The following MSANTD3 variants were observed in gnomAD, a reference collection of about 807,000 sequenced individuals.
The protein encoded by MSANTD3 is myb/SANT-like DNA-binding domain-containing protein 3.
MSANTD3 carries 11 observed loss-of-function variants against 27.7 expected under a neutral mutation model. That is an observed-to-expected ratio of 0.40 (90% confidence interval 0.25 to 0.66). The LOEUF (loss-of-function observed/expected upper bound fraction) is 0.66. MSANTD3 is among the 30% of genes least tolerant of loss of function. The probability of loss-of-function intolerance (pLI) is 0.41; values close to 1 mark genes in which losing one functional copy is unlikely to be tolerated. For synonymous variants in MSANTD3, 131 were observed against 127.2 expected, an observed-to-expected ratio of 1.03 and a Z score of -0.20; for missense variants, 250 against 336.5, an observed-to-expected ratio of 0.74 and a Z score of 2.01.
intron 2 of MSANTD3, 70 bp from the exon 3 acceptor site, chr9:100,450,487 A>G: frequency 7.2e-7 from 1 of 1,388,248 alleles, no homozygotes; most frequent in Non-Finnish European, 9.7e-7. Context: ...GTCATTTGAA[A>G]TAGGATTGGT....
At chr9:100,440,671 G>A (rs1220801209) in intron 1 of MSANTD3, among the ~76,000 whole-genome samples, 2 of 147,894 alleles carry the variant, frequency 1.4e-5, no homozygotes, top group Admixed American at 1.4e-4. Context: ...GCTCACTGTA[G>A]CCTCGACCTC....
chr9:100,446,783 C>T (rs1435964126), intron 2 of MSANTD3, among the ~76,000 whole-genome samples: 1 of 151,116 alleles, frequency 6.6e-6, no homozygotes, highest in Non-Finnish European at 1.5e-5. Context: ...GCCAATATTG[C>T]ACCACTGCAC....
intron 2 of MSANTD3, among the ~76,000 whole-genome samples, chr9:100,443,369 A>G (rs1030556631): frequency 2.0e-5 from 3 of 151,876 alleles, no homozygotes; most frequent in African/African-American, 7.3e-5. Context: ...ACTGCACGCC[A>G]GCGTAGGCAA....
intron 1 of MSANTD3, among the ~76,000 whole-genome samples, chr9:100,438,427 A>AGTGT (rs139680729): frequency 7.1e-4 from 108 of 151,268 alleles, no homozygotes; most frequent in African/African-American, 1.2e-3. Context: ...TTATTTAGAA[A>AGTGT]GTGTGTGTGT....
chr9:100,443,642 AAAC>A (rs1301537115), intron 2 of MSANTD3, among the ~76,000 whole-genome samples: 1 of 152,188 alleles, frequency 6.6e-6, no homozygotes, highest in African/African-American at 2.4e-5. Context: ...TTGGGGAAAA[AAAC>A]ACTGTCATAT....
chr9:100,431,665 G>C (rs1836380261), intron 1 of MSANTD3, among the ~76,000 whole-genome samples: 1 of 152,124 alleles, frequency 6.6e-6, no homozygotes, highest in South Asian at 2.1e-4. Flanking sequence ...GCTGAAGATA[G>C]ATATAAAATG....
chr9:100,440,314 AC>A (rs1836580889), intron 1 of MSANTD3, among the ~76,000 whole-genome samples: 1 of 152,178 alleles, frequency 6.6e-6, no homozygotes, highest in East Asian at 1.9e-4. Context: ...TTTCTATGTC[AC>A]CATCTTTGTG....
chr9:100,445,017 G>T lies in MSANTD3; in HGVS notation c.418+2661G>T, dbSNP rs181830846. 1.3e-5 allele frequency: 8 copies of T among 595,596 alleles called. No homozygotes were observed. The Admixed American group carries it at 2.4e-4, about 18-fold the overall frequency. 36.9% of individuals were successfully genotyped at this position (595,596 alleles called of 1,614,324 possible). ...CAAATGCTCCTTGCTCCTGTGTCCA[G>T]GTCCCATCTGGAGGGTGGTGGAGAA... On this transcript the variant is annotated intron_variant, in intron 2 of 2. Coordinates refer to ENST00000395067, the MANE Select transcript of MSANTD3 (RefSeq NM_080655.3).
chr9:100,442,726 T>G (rs1480973881), intron 2 of MSANTD3, among the ~76,000 whole-genome samples: 2 of 150,654 alleles, frequency 1.3e-5, no homozygotes, highest in African/African-American at 2.4e-5. Flanking sequence ...GGAGGATAAC[T>G]TGAGCCCAGG....
At chr9:100,439,811 G>A (rs537775572) in intron 1 of MSANTD3, among the ~76,000 whole-genome samples, 64 of 151,604 alleles carry the variant, frequency 4.2e-4, no homozygotes, top group Non-Finnish European at 7.8e-4. Context: ...GAGCCATTAC[G>A]CCTGCCCAGT....
intron 1 of MSANTD3, among the ~76,000 whole-genome samples, chr9:100,440,927 ACAT>A (rs1836604514): frequency 7.3e-6 from 1 of 136,086 alleles, no homozygotes; most frequent in Non-Finnish European, 1.6e-5. Flanking sequence ...GCCCGGCTGT[ACAT>A]CTTTTTTTTT....
At chr9:100,431,053 A>G (rs1410178496) in intron 1 of MSANTD3, among the ~76,000 whole-genome samples, 1 of 147,266 alleles carries the variant, frequency 6.8e-6, no homozygotes, top group African/African-American at 2.5e-5. Flanking sequence ...CCCAGGCTGG[A>G]GTGCAACGGC....
At position 100,450,651 on chromosome 9, in the gene MSANTD3, G is replaced by T. The variant is rs61744816; in HGVS notation, c.513G>T (p.Ser171=). 1 of 1,613,914 alleles carries T rather than the reference G, an allele frequency of 6.2e-7. No homozygotes were observed. The highest frequency in any genetic ancestry group is 1.3e-5 in the African/African-American group (1 of 74,902). Residue 171 remains serine, a synonymous_variant, in exon 3 of 3, where the codon TCG becomes TCT. Transcript: ENST00000395067. The part of the protein sequence containing the change: ...VCEGTSQPEP[S]CSAVRITANK... ...AGGGGACCTCTCAACCTGAACCCTCGTGTTCAGCTGTCAGAATAACAGCCA... is the reference window on the plus strand; with the variant it reads ...AGGGGACCTCTCAACCTGAACCCTCTTGTTCAGCTGTCAGAATAACAGCCA...
intron 1 of MSANTD3, among the ~76,000 whole-genome samples, chr9:100,438,709 A>G (rs1836537258): frequency 6.6e-6 from 1 of 152,226 alleles, no homozygotes; most frequent in African/African-American, 2.4e-5. Context: ...TAAGCTGGAC[A>G]TAGACATCTT....
intron 2 of MSANTD3, among the ~76,000 whole-genome samples, chr9:100,443,398 T>C (rs1836676528): frequency 7.5e-6 from 1 of 132,500 alleles, no homozygotes; most frequent in Non-Finnish European, 1.7e-5. Flanking sequence ...AAACTCCATC[T>C]CAAAAAAAAA....
rs1161380767 is a variant in MSANTD3 at position 100,450,974 on chromosome 9, G to T, written c.*8G>T. 1.3e-6 allele frequency: 2 copies of T among 1,557,302 alleles called. No homozygotes were observed. Among genetic ancestry groups the T allele is most frequent in the Non-Finnish European group, 1.7e-6 (2 of 1,157,726 alleles). On this transcript the variant is annotated 3_prime_UTR_variant, in exon 3 of 3. Coordinates refer to ENST00000395067, the MANE Select transcript of MSANTD3 (RefSeq NM_080655.3). ...TTTCCCAATTCGCCCTAAGACTTTG[G>T]GGGTGGCTCTCTTGTAATTAATCTG...
chr9:100,445,288 A>C (rs1348718592), intron 2 of MSANTD3: 3 of 1,065,802 alleles, frequency 2.8e-6, no homozygotes, highest in Non-Finnish European at 4.4e-6. Flanking sequence ...TGTGTATTTG[A>C]CATAAGGAAT....
Position 100,451,047 on chromosome 9 carries a change from T to C in MSANTD3, c.*81T>C. The C allele has an allele frequency of 1.4e-6, 2 of 1,381,284 alleles. No individual in the cohort carries two copies. Among genetic ancestry groups the C allele is most frequent in the Non-Finnish European group, 2.0e-6 (2 of 1,017,008 alleles). 85.6% of individuals were successfully genotyped at this position (1,381,284 alleles called of 1,614,324 possible). On this transcript the variant is annotated 3_prime_UTR_variant, in exon 3 of 3. Coordinates refer to ENST00000395067, the MANE Select transcript of MSANTD3 (RefSeq NM_080655.3). Reference sequence around the variant, plus strand: ...CATGGACTTGGCGGTCAGTAACCTGTAACAGAGCTACAACTAGGAAAATTA... The same window carrying C: ...CATGGACTTGGCGGTCAGTAACCTGCAACAGAGCTACAACTAGGAAAATTA...
intron 1 of MSANTD3, among the ~76,000 whole-genome samples, chr9:100,431,022 G>A (rs1208601948): frequency 6.6e-6 from 1 of 150,400 alleles, no homozygotes; most frequent in Non-Finnish European, 1.5e-5. Context: ...TTGTTTTTGA[G>A]ATGGAGTTTT....
Sources: gnomAD v4.1 joint callset for allele counts (sites outside exome capture counted in the v4.1 genomes callset) on GRCh38, gnomAD v4.1.1 for gene constraint, MANE v1.5 for transcripts, NCBI Gene and HGNC (gene_info 2026-07-23, HGNC 2026-07-21) for gene names.